NDE1: variants seen among roughly 807,000 people sequenced by gnomAD.
NDE1 encodes nuclear distribution protein nudE homolog 1.
Under a neutral mutation model 43.4 loss-of-function variants are expected in NDE1, and 28 were observed. The observed-to-expected ratio is 0.65, with a 90% CI of 0.48 to 0.89. The LOEUF (loss-of-function observed/expected upper bound fraction) is 0.89, where lower values mean the gene tolerates loss of function less well. Among genes scored for constraint, NDE1 ranks in the 40% least tolerant of loss-of-function variants. The pLI is 0.00. For synonymous variants in NDE1, 184 were observed against 172.0 expected (o/e 1.07, Z -0.55); for missense variants, 441 against 434.1 (o/e 1.02, Z -0.14).
chr16:15,677,276 A>C (rs1158307485), intron 3 of NDE1, among the ~76,000 whole-genome samples: 1 of 151,860 alleles, frequency 6.6e-6, no homozygotes, highest in Non-Finnish European at 1.5e-5. Flanking sequence ...TGGTGGGAGG[A>C]GTAGTTTCAT....
upstream of NDE1, chr16:15,650,209 G>GGCGGGGTCCGGAGGGCCGGGGCC (rs2036423705): frequency 1.1e-5 from 2 of 180,726 alleles, no homozygotes; most frequent in African/African-American, 4.8e-5. Context: ...CCGGGGCGGG[G>GGCGGGGTCCGGAGGGCCGGGGCC]GCGGGGTCCG....
intron 7 of NDE1, among the ~76,000 whole-genome samples, chr16:15,695,316 T>C (rs576692231): frequency 1.9e-4 from 28 of 144,842 alleles, no homozygotes; most frequent in African/African-American, 6.7e-4. Context: ...AAGACCAGCC[T>C]GGCCAACATG....
intron 8 of NDE1, chr16:15,704,163 C>T: frequency 6.2e-7 from 1 of 1,611,934 alleles, no homozygotes; most frequent in Non-Finnish European, 8.5e-7. Context: ...GCAAAGAAAT[C>T]TTCATGGTTG....
intron 8 of NDE1, among the ~76,000 whole-genome samples, chr16:15,722,992 C>G (rs951438025): frequency 6.6e-6 from 1 of 152,176 alleles, no homozygotes; most frequent in African/African-American, 2.4e-5. Flanking sequence ...GATCCACCTG[C>G]CTCAGCCTCC....
chr16:15,720,426 G>C (rs1880571032), intron 8 of NDE1: 1 of 1,387,968 alleles, frequency 7.2e-7, no homozygotes, highest in Admixed American at 2.0e-5. Flanking sequence ...TGTGAGGTGG[G>C]CATCTCATCC....
At chr16:15,712,881 A>ATTTTTTTTTTTTTTTTTTTTTTTTTTTT (rs1567680172) in intron 8 of NDE1, 2 of 65,916 alleles carry the variant, frequency 3.0e-5, no homozygotes, top group Non-Finnish European at 2.8e-5. Context: ...CTTCACATAC[A>ATTTTTTTTTTTTTTTTTTTTTTTTTTTT]GTTTTTTTTT....
chr16:15,694,826 T>C, intron 7 of NDE1: 1 of 985,344 alleles, frequency 1.0e-6, no homozygotes, highest in African/African-American at 1.7e-5. Context: ...ATTTGGGAAA[T>C]TAGGGTGATA....
intron 5 of NDE1, among the ~76,000 whole-genome samples, chr16:15,688,312 C>G (rs1290670403): frequency 6.6e-6 from 1 of 151,920 alleles, no homozygotes; most frequent in Non-Finnish European, 1.5e-5. Flanking sequence ...TTTCAGTTGG[C>G]ACTTCCAGAG....
At chr16:15,645,109 G>A (rs974973800) in intron 1 of NDE1, among the ~76,000 whole-genome samples, 9 of 151,866 alleles carry the variant, frequency 5.9e-5, no homozygotes, top group Non-Finnish European at 1.3e-4. Flanking sequence ...TAGTAGAGAC[G>A]GGATATTGCC....
upstream of NDE1, chr16:15,649,548 AC>A (rs2036402420): frequency 6.6e-6 from 1 of 151,326 alleles, no homozygotes; most frequent in African/African-American, 2.4e-5. Flanking sequence ...CTGGTCTTGA[AC>A]TCCTGACCTC....
intron 6 of NDE1, among the ~76,000 whole-genome samples, chr16:15,692,138 A>T (rs963838155): frequency 6.6e-6 from 1 of 152,076 alleles, no homozygotes; most frequent in Non-Finnish European, 1.5e-5. Flanking sequence ...TTTACAGCAG[A>T]TATTAATAAC....
chr16:15,695,346 A>G (rs2038962431), intron 7 of NDE1: 9 of 296,654 alleles, frequency 3.0e-5, no homozygotes, highest in Non-Finnish European at 4.5e-5. Context: ...CATCTCTACT[A>G]AAAATACAAA....
chr16:15,713,626 G>C (rs1012624851), intron 8 of NDE1: 1 of 152,314 alleles, frequency 6.6e-6, no homozygotes, highest in Non-Finnish European at 1.5e-5. Flanking sequence ...CTCCTGAGTA[G>C]CTGGGATTTT....
intron 4 of NDE1, among the ~76,000 whole-genome samples, chr16:15,678,550 G>A (rs575576741): frequency 6.6e-6 from 1 of 151,952 alleles, no homozygotes; most frequent in Non-Finnish European, 1.5e-5. Flanking sequence ...TCTTTAGTAG[G>A]GATGGGCTCT....
chr16:15,718,884 T>C (rs1184910965), intron 8 of NDE1: 2 of 412,630 alleles, frequency 4.8e-6, no homozygotes, highest in Non-Finnish European at 4.5e-6. Flanking sequence ...TCACAGCACT[T>C]TGGGAGGCCA....
chr16:15,724,872 G>A lies in NDE1; in HGVS notation c.*621G>A. On this transcript the variant is annotated 3_prime_UTR_variant, in exon 9 of 9. Transcript: ENST00000396354. ...CCACCCCCCAGGTCCCCTGGATGAT[G>A]TGGCAGGACACTCACCTGGGTGTCC... is the stretch of plus-strand genomic sequence containing the variant. 1 of 1,613,946 alleles carries A rather than the reference G, an allele frequency of 6.2e-7. No individual in the cohort carries two copies. The highest frequency in any genetic ancestry group is 8.5e-7 in the Non-Finnish European group (1 of 1,179,986).
chr16:15,708,743 T>G (rs2039605468), intron 8 of NDE1: 3 of 1,556,786 alleles, frequency 1.9e-6, no homozygotes, highest in African/African-American at 1.4e-5. Flanking sequence ...AGGGGCGCAT[T>G]GGGCAGAAAA....
chr16:15,645,934 G>A (rs1391380989), upstream of NDE1, among the ~76,000 whole-genome samples: 2 of 152,294 alleles, frequency 1.3e-5, no homozygotes, highest in South Asian at 2.1e-4. Flanking sequence ...AAGGACCTAA[G>A]GAAGTTAAAT....
rs1859898649 is a variant in NDE1 at position 15,677,966 on chromosome 16, A to G, written c.386+17A>G. 6.2e-7 allele frequency: 1 copy of G among 1,613,930 alleles called. No individual in the cohort carries two copies. Among genetic ancestry groups the G allele is most frequent in the Non-Finnish European group, 8.5e-7 (1 of 1,180,004 alleles). ...AGCCAAGCGGTATGGGTGGAAGGGA[A>G]AAGCACGAGTGGGAGACTCTCCTCT... is the stretch of plus-strand genomic sequence containing the variant. On this transcript the variant is annotated intron_variant, in intron 4 of 8. Coordinates refer to ENST00000396354, the MANE Select transcript of NDE1 (RefSeq NM_017668.3).
Sources: allele counts gnomAD v4.1 joint callset (sites outside exome capture counted in the v4.1 genomes callset), GRCh38; gene constraint gnomAD v4.1.1; transcripts MANE v1.5; gene names NCBI Gene and HGNC (gene_info 2026-07-23, HGNC 2026-07-21).